AIMP2: variants seen among roughly 807,000 people sequenced by gnomAD.
The protein encoded by AIMP2 is aminoacyl tRNA synthetase complex interacting multifunctional protein 2.
In AIMP2, 20 loss-of-function variants were observed where a neutral mutation model predicts 23.4. That is an observed-to-expected ratio of 0.85 (90% confidence interval 0.60 to 1.24). The LOEUF (loss-of-function observed/expected upper bound fraction) is 1.24, where lower values mean the gene tolerates loss of function less well. Among genes scored for constraint, AIMP2 ranks in the 50% most tolerant of loss-of-function variants. AIMP2 has a pLI of 0.00. For missense variants in AIMP2, 515 were observed against 414.5 expected, an observed-to-expected ratio of 1.24 and a Z score of -2.10; for synonymous variants, 210 against 170.4, an observed-to-expected ratio of 1.23 and a Z score of -1.81.
At chr7:6,019,992 A>AGCCT (rs1168631197) in intron 3 of AIMP2, among the ~76,000 whole-genome samples, 2 of 146,864 alleles carry the variant, frequency 1.4e-5, no homozygotes, top group African/African-American at 5.1e-5. Flanking sequence ...ACTGCATTCC[A>AGCCT]GCCTGGCGAC....
At position 6,017,913 on chromosome 7, in the gene AIMP2, G is replaced by A. The variant is rs549852720; in HGVS notation, c.442G>A (p.Val148Ile). 989 of 1,614,080 alleles carry A rather than the reference G, an allele frequency of 6.1e-4. 19 individuals carry two copies. The South Asian group carries it at 0.01, about 17-fold the overall frequency. The change falls in exon 3 of 4, where the codon GTC (valine) becomes ATC (isoleucine). Residue 148 changes from valine to isoleucine, a missense_variant. Transcript: ENST00000223029. Reference sequence around the variant, plus strand: ...CAGGCTGCTCTGTGAGCACTTCAGGGTCCTGTCCACGGTGCACACGCACTC... The same window carrying A: ...CAGGCTGCTCTGTGAGCACTTCAGGATCCTGTCCACGGTGCACACGCACTC... ...LHRLLCEHFR[V>I]LSTVHTHSSV... is the part of the protein sequence containing the mutation.
chr7:6,017,675 C>G (rs897861443), intron 2 of AIMP2, 139 bp from the exon 3 acceptor site: 6 of 700,782 alleles, frequency 8.6e-6, no homozygotes, highest in Non-Finnish European at 1.4e-5. Flanking sequence ...CTGGCTGCAA[C>G]GTGGAGATGA....
rs762176789 is a variant in AIMP2, at chr7:6,009,446, C to G, written c.83C>G (p.Pro28Arg). Residue 28 changes from proline to arginine, a missense_variant, in exon 1 of 4, where the codon CCC becomes CGC. Coordinates refer to ENST00000223029, the MANE Select transcript of AIMP2 (RefSeq NM_006303.4). Reference protein sequence around the residue: ...VELPTCMYRLPNVHGRSYGPA... With the variant: ...VELPTCMYRLRNVHGRSYGPA... ...CTTCCCACCTGCATGTACCGGCTCC[C>G]CAACGTGCACGGCAGGAGCTACGGC... 22 of 1,610,584 alleles carry G rather than the reference C, an allele frequency of 1.4e-5. No individual in the cohort carries two copies. Among genetic ancestry groups the G allele is most frequent in the Non-Finnish European group, 1.8e-5 (21 of 1,179,726 alleles).
chr7:6,021,071 T>A (rs963094309), intron 3 of AIMP2, among the ~76,000 whole-genome samples: 1 of 152,104 alleles, frequency 6.6e-6, no homozygotes, highest in African/African-American at 2.4e-5. Flanking sequence ...TTTTTAAAGT[T>A]CTTCAATGCT....
intron 3 of AIMP2, among the ~76,000 whole-genome samples, chr7:6,020,984 A>G (rs1787364697): frequency 6.6e-6 from 1 of 152,218 alleles, no homozygotes; most frequent in Non-Finnish European, 1.5e-5. Flanking sequence ...ACGTCTGGAC[A>G]AGAACGCTTT....
chr7:6,009,974 A>AAAAAAAAATATATATATAT, intron 1 of AIMP2, among the ~76,000 whole-genome samples: 11 of 26,662 alleles, frequency 4.1e-4, no homozygotes, highest in East Asian at 3.7e-3. Context: ...AAAAAAAAAA[A>AAAAAAAAATATATATATAT]ATATATATAT....
Position 6,018,903 on chromosome 7 carries a change from G to C in AIMP2, c.574+858G>C, listed in dbSNP as rs185036162. Reference sequence around the variant, plus strand: ...TGAGGCATAAAATATTTACATACTAGTCTATTATTTACATACACAAAATAT... The same window carrying C: ...TGAGGCATAAAATATTTACATACTACTCTATTATTTACATACACAAAATAT... On this transcript the variant is annotated intron_variant, in intron 3 of 3. Transcript: ENST00000223029. Among the ~76,000 whole-genome samples, 287 of 151,648 alleles carry C rather than the reference G, an allele frequency of 1.9e-3. 1 individual carries two copies. Among genetic ancestry groups the C allele is most frequent in the Non-Finnish European group, 2.6e-3 (180 of 67,926 alleles).
intron 1 of AIMP2, among the ~76,000 whole-genome samples, chr7:6,010,597 G>A (rs1786596431): frequency 6.6e-6 from 1 of 151,802 alleles, no homozygotes; most frequent in African/African-American, 2.4e-5. Context: ...TACAGGCGCT[G>A]TCCACTGGAC....
At position 6,018,049 on chromosome 7, in the gene AIMP2, A is replaced by G. The variant is rs957576738; in HGVS notation, c.574+4A>G. ...TTCACTTTAATTTGGAAGAATGGTA[A>G]GTAGACGGGACTGAGTTCAACTTAC... On this transcript the variant is annotated splice_donor_region_variant and intron_variant, in intron 3 of 3. Transcript: ENST00000223029. The G allele has an allele frequency of 5.0e-6, 8 of 1,609,594 alleles. No homozygotes were observed. In the African/African-American group the frequency reaches 9.3e-5, roughly 19 times the overall value.
At chr7:6,012,744 A>T in intron 1 of AIMP2, 3 of 767,388 alleles carry the variant, frequency 3.9e-6, no homozygotes, top group Non-Finnish European at 5.3e-6. Flanking sequence ...GTTTCAGTAG[A>T]AATGGAGTTT....
chr7:6,019,269 G>A (rs1415214574), intron 3 of AIMP2, among the ~76,000 whole-genome samples: 1 of 150,862 alleles, frequency 6.6e-6, no homozygotes, highest in Non-Finnish European at 1.5e-5. Context: ...CACGAGGTCA[G>A]GATATCGAGA....
chr7:6,023,198 A>G (rs903429640), intron 3 of AIMP2, 105 bp from the exon 4 acceptor site: 19 of 1,315,970 alleles, frequency 1.4e-5, no homozygotes, highest in Non-Finnish European at 2.0e-5. Flanking sequence ...ACCCTTTCCC[A>G]TGTCATCAGT....
chr7:6,015,289 C>A lies in AIMP2; in HGVS notation c.279C>A (p.Ile93=), dbSNP rs1362813231. 2 of 1,614,186 alleles carry A rather than the reference C, an allele frequency of 1.2e-6. No individual in the cohort carries two copies. Among genetic ancestry groups the A allele is most frequent in the South Asian group, 1.1e-5 (1 of 91,086 alleles). The change falls in exon 2 of 4, where the codon ATC becomes ATA. Residue 93 remains isoleucine, a synonymous_variant. Transcript: ENST00000223029. The part of the protein sequence containing the change: ...PDADLDVTNI[I]QADEPTTLTT... ...CAGACTTGGATGTAACCAACATAAT[C>A]CAAGCGGATGAGCCCACGACTTTAA...
chr7:6,015,607 C>G (rs1373706258), intron 2 of AIMP2, among the ~76,000 whole-genome samples: 1 of 152,168 alleles, frequency 6.6e-6, no homozygotes, highest in Non-Finnish European at 1.5e-5. Flanking sequence ...ACCTGTAGTC[C>G]CAGCTACTCG....
intron 3 of AIMP2, among the ~76,000 whole-genome samples, chr7:6,019,153 A>G (rs1787224323): frequency 1.3e-5 from 2 of 151,614 alleles, no homozygotes; most frequent in African/African-American, 4.9e-5. Context: ...TCTGCTTCAG[A>G]CACCCTGTGA....
chr7:6,009,561 C>A, intron 1 of AIMP2, 63 bp downstream of exon 1: 3 of 1,348,600 alleles, frequency 2.2e-6, no homozygotes, highest in Non-Finnish European at 2.9e-6. Flanking sequence ...GCCCGGGTCC[C>A]CCCAGGCCGG....
Position 6,023,286 on chromosome 7 carries a change from G to T in AIMP2, c.575-17G>T. 6.4e-7 allele frequency: 1 copy of T among 1,573,498 alleles called. No individual in the cohort carries two copies. The highest frequency in any genetic ancestry group is 1.4e-5 in the African/African-American group (1 of 73,742). ...GGCTGCTCTGGTGATGCTACCTGGC[G>T]TGTTTTTTCTTTTCAGTGCCGAAGA... On this transcript the variant is annotated splice_polypyrimidine_tract_variant and intron_variant, in intron 3 of 3. Coordinates refer to ENST00000223029, the MANE Select transcript of AIMP2 (RefSeq NM_006303.4).
chr7:6,015,710 C>T (rs1038453486), intron 2 of AIMP2, among the ~76,000 whole-genome samples: 2 of 152,202 alleles, frequency 1.3e-5, no homozygotes, highest in South Asian at 2.1e-4. Context: ...GGCGACAGAG[C>T]GAGACTCCGT....
At chr7:6,015,458 C>T (rs1474094662) in intron 2 of AIMP2, 106 bp downstream of exon 2, 1 of 1,219,840 alleles carries the variant, frequency 8.2e-7, no homozygotes, top group Non-Finnish European at 1.2e-6. Context: ...GGCGTGGTGG[C>T]TCACGCCTGT....
Sources: allele counts gnomAD v4.1 joint callset (sites outside exome capture counted in the v4.1 genomes callset), GRCh38; gene constraint gnomAD v4.1.1; transcripts MANE v1.5; gene names NCBI Gene and HGNC (gene_info 2026-07-23, HGNC 2026-07-21).